The following IGSF10 variants were observed in gnomAD, a reference collection of about 807,000 sequenced individuals.
IGSF10 encodes immunoglobulin superfamily member 10, also known as calvaria mechanical force protein 608.
In IGSF10, 126 loss-of-function variants were observed where a neutral mutation model predicts 128.2. The ratio of observed to expected loss-of-function variants is 0.98; its 90% CI spans 0.85 to 1.14. The LOEUF (loss-of-function observed/expected upper bound fraction) is 1.14, where lower values mean the gene tolerates loss of function less well. Ranked by LOEUF, IGSF10 falls within the 50% of genes most tolerant of loss-of-function variation. The pLI is 0.00. For missense variants in IGSF10, 3,295 were observed against 3,149.8 expected (o/e 1.05, Z -1.10); for synonymous variants, 1,185 against 1,146.2 (o/e 1.03, Z -0.68).
At chr3:151,563,910 C>G in the IGSF10 span, among the ~76,000 whole-genome samples, 131 of 152,250 alleles carry the variant, frequency 8.6e-4, no homozygotes, top group African/African-American at 3.1e-3. Context: ...ATCCATTTCA[C>G]AGGTGAGGAA....
intron 3 of IGSF10, among the ~76,000 whole-genome samples, chr3:151,457,701 T>C (rs1012614473): frequency 6.6e-6 from 1 of 152,154 alleles, no homozygotes; most frequent in African/African-American, 2.4e-5. Flanking sequence ...ATAATAGAAC[T>C]CACTCCAAAG....
At chr3:151,460,187 G>C (rs142402863) in intron 2 of IGSF10, 74 bp downstream of exon 2, 1 of 316,768 alleles carries the variant, frequency 3.2e-6, no homozygotes, top group Non-Finnish European at 4.6e-6. Context: ...AATAGCATAA[G>C]ACAACACATG....
chr3:151,466,057 C>T (rs62284467), upstream of IGSF10, among the ~76,000 whole-genome samples: 25,983 of 152,076 alleles, frequency 0.17, 2,330 homozygotes, highest in Middle Eastern at 0.2. Flanking sequence ...TTTCTGACCA[C>T]GAGGCATCCC....
the IGSF10 span, among the ~76,000 whole-genome samples, chr3:151,527,020 CCT>C: frequency 6.6e-6 from 1 of 152,282 alleles, no homozygotes; most frequent in Middle Eastern, 3.4e-3. Flanking sequence ...GTTGACCTAA[CCT>C]AAACCCTGTA....
Position 151,449,258 on chromosome 3 carries a change from T to C in IGSF10, c.723A>G (p.Ile241Met), listed in dbSNP as rs1056861625. 6.4e-7 allele frequency: 1 copy of C among 1,567,676 alleles called. No individual in the cohort carries two copies. Among genetic ancestry groups the C allele is most frequent in the Admixed American group, 2.0e-5 (1 of 50,466 alleles). Residue 241 changes from isoleucine to methionine, a missense_variant, in exon 6 of 8, where the codon ATA becomes ATG. By Grantham distance (10) the Ile-to-Met change is conservative. Transcript: ENST00000282466. ...SDWIQEKPDV[I>M]KCKKDRSPSS... ...AGGGACTTCTATCTTTTTTGCATTTTATTACATCTGGAAAAAAATCACAAT... is the reference window on the plus strand; with the variant it reads ...AGGGACTTCTATCTTTTTTGCATTTCATTACATCTGGAAAAAAATCACAAT...
the IGSF10 span, among the ~76,000 whole-genome samples, chr3:151,490,866 G>T: frequency 1.1e-4 from 17 of 152,098 alleles, no homozygotes; most frequent in Non-Finnish European, 1.8e-4. Context: ...ACTTATGGAT[G>T]AAGTAAGAGC....
downstream of IGSF10, chr3:151,435,652 T>G (rs923547437): frequency 5.3e-5 from 8 of 152,188 alleles, no homozygotes; most frequent in African/African-American, 1.9e-4. Flanking sequence ...AATGTTTGAA[T>G]AGATGCTGGA....
At chr3:151,558,983 T>C in the IGSF10 span, among the ~76,000 whole-genome samples, 1 of 152,028 alleles carries the variant, frequency 6.6e-6, no homozygotes, top group Non-Finnish European at 1.5e-5. Context: ...TTAAAAGACA[T>C]GAGACATGAG....
the IGSF10 span, among the ~76,000 whole-genome samples, chr3:151,516,063 C>G: frequency 6.6e-6 from 1 of 151,960 alleles, no homozygotes; most frequent in South Asian, 2.1e-4. Context: ...ACAATCAACA[C>G]CTTCATAATC....
the IGSF10 span, among the ~76,000 whole-genome samples, chr3:151,479,652 T>TC: frequency 4.6e-5 from 7 of 152,348 alleles, no homozygotes; most frequent in South Asian, 1.5e-3. Flanking sequence ...AACAGACCTT[T>TC]CCTTGTTAGG....
chr3:151,457,366 C>CG (rs1476421100), intron 3 of IGSF10, among the ~76,000 whole-genome samples: 1 of 152,190 alleles, frequency 6.6e-6, no homozygotes, highest in Non-Finnish European at 1.5e-5. Flanking sequence ...CAATCACCCC[C>CG]CTCATATTCT....
chr3:151,479,419 CTT>C, the IGSF10 span, among the ~76,000 whole-genome samples: 1 of 151,938 alleles, frequency 6.6e-6, no homozygotes, highest in Non-Finnish European at 1.5e-5. Flanking sequence ...ATTAAAATGT[CTT>C]TTTATTAAGT....
the IGSF10 span, among the ~76,000 whole-genome samples, chr3:151,598,297 A>G: frequency 6.6e-6 from 1 of 152,218 alleles, no homozygotes; most frequent in African/African-American, 2.4e-5. Flanking sequence ...GCCTTTGGGC[A>G]ATGTTTGTGA....
chr3:151,534,049 T>C, the IGSF10 span, among the ~76,000 whole-genome samples: 1 of 152,034 alleles, frequency 6.6e-6, no homozygotes, highest in Admixed American at 6.5e-5. Context: ...AACAAACATA[T>C]GAAAAAAATC....
the IGSF10 span, among the ~76,000 whole-genome samples, chr3:151,546,225 G>T: frequency 2.0e-5 from 3 of 152,046 alleles, no homozygotes; most frequent in Non-Finnish European, 4.4e-5. Flanking sequence ...ATATTAGCAT[G>T]CAGCGAGACT....
chr3:151,458,963 A>G, intron 2 of IGSF10, among the ~76,000 whole-genome samples: 1 of 152,242 alleles, frequency 6.6e-6, no homozygotes, highest in Non-Finnish European at 1.5e-5. Context: ...TTCTTTATGA[A>G]AACCAGCAAT....
At chr3:151,469,061 A>G in the IGSF10 span, among the ~76,000 whole-genome samples, 1 of 152,220 alleles carries the variant, frequency 6.6e-6, no homozygotes, top group Admixed American at 6.5e-5. Context: ...TGCAAAGGAT[A>G]TGATTTCATT....
the IGSF10 span, among the ~76,000 whole-genome samples, chr3:151,577,925 C>G: frequency 3.3e-5 from 5 of 152,154 alleles, no homozygotes; most frequent in African/African-American, 1.2e-4. Context: ...AGCATTTGTG[C>G]TCTTTGTTTC....
Position 151,438,123 on chromosome 3 carries a change from ACTCTGCCT to A in IGSF10, c.6430_6437del (p.Arg2144Ter). The stretch of plus-strand genomic sequence containing the variant: ...CTTTGATTCTCTTGTTGGTTTTGTT[ACTCTGCCT>A]TATCCGGGGAGCAGCTGTTATAACT... On this transcript the variant is annotated frameshift_variant, in exon 8 of 8. Coordinates refer to ENST00000282466, the MANE Select transcript of IGSF10 (RefSeq NM_178822.5). LOFTEE classifies it low-confidence loss of function (END_TRUNC). The A allele has an allele frequency of 6.2e-7, 1 of 1,613,904 alleles. No homozygotes were observed. The highest frequency in any genetic ancestry group is 8.5e-7 in the Non-Finnish European group (1 of 1,179,960).
Sources: gnomAD v4.1 joint callset for allele counts (sites outside exome capture counted in the v4.1 genomes callset) on GRCh38, gnomAD v4.1.1 for gene constraint, MANE v1.5 for transcripts, NCBI Gene and HGNC (gene_info 2026-07-23, HGNC 2026-07-21) for gene names.